Variants in CCSER1 observed in about 807,000 individuals in gnomAD.
CCSER1 encodes the protein coiled-coil serine rich protein 1.
Under a neutral mutation model 82.0 loss-of-function variants are expected in CCSER1, and 41 were observed. The ratio of observed to expected loss-of-function variants is 0.50; its 90% CI spans 0.39 to 0.65. The LOEUF is 0.65. Among genes scored for constraint, CCSER1 ranks in the 30% least tolerant of loss-of-function variants. The pLI, the probability that CCSER1 is intolerant of heterozygous loss-of-function variation, is 0.00. For synonymous variants in CCSER1, 414 were observed against 383.9 expected (o/e 1.08, Z -0.92); for missense variants, 1,119 against 1,064.2 (o/e 1.05, Z -0.72).
chr4:90,748,537 T>G (rs1219165880), intron 7 of CCSER1, among the ~76,000 whole-genome samples: 5 of 149,294 alleles, frequency 3.3e-5, no homozygotes, highest in Admixed American at 6.7e-5. Flanking sequence ...TTTATAGTCC[T>G]TTGGGTATAT....
chr4:90,562,594 G>A, intron 5 of CCSER1, among the ~76,000 whole-genome samples: 1 of 152,034 alleles, frequency 6.6e-6, no homozygotes, highest in Non-Finnish European at 1.5e-5. Flanking sequence ...CTGGAGTGCA[G>A]TGGGGCAGTC....
At chr4:90,541,847 A>T (rs1369953189) in intron 5 of CCSER1, among the ~76,000 whole-genome samples, 1 of 152,050 alleles carries the variant, frequency 6.6e-6, no homozygotes, top group Non-Finnish European at 1.5e-5. Context: ...TCCTACTGCC[A>T]CAAATTCTTT....
At position 90,413,619 on chromosome 4, in the gene CCSER1, T is replaced by C. The variant is rs370647776; in HGVS notation, c.1603+13490T>C. Among the ~76,000 whole-genome samples, 80 of 152,152 alleles carry C rather than the reference T, an allele frequency of 5.3e-4. 1 individual carries two copies. In the East Asian group the frequency reaches 8.5e-3, roughly 16 times the overall value. On this transcript the variant is annotated intron_variant, in intron 4 of 10. Transcript: ENST00000509176. The stretch of plus-strand genomic sequence containing the variant: ...GTGTGAATGTTTAGTTTTTGCTGAT[T>C]GTATTGAATAATTTGAATAGTTTCA...
Position 91,052,199 on chromosome 4 carries a change from G to C in CCSER1, c.2173-33751G>C, listed in dbSNP as rs924428097. Among the ~76,000 whole-genome samples the C allele has an allele frequency of 2.6e-5, 4 of 151,922 alleles. No individual in the cohort carries two copies. In the East Asian group the frequency reaches 7.7e-4, roughly 29 times the overall value. On this transcript the variant is annotated intron_variant, in intron 9 of 10. Coordinates refer to ENST00000509176, the MANE Select transcript of CCSER1 (RefSeq NM_001145065.2). ...TTTATTTGCTATCGTTATATAATCA[G>C]TGTCTAGAAAGATTAAAATGGCAGA...
intron 9 of CCSER1, among the ~76,000 whole-genome samples, chr4:91,003,870 G>A (rs1738268244): frequency 6.6e-6 from 1 of 152,158 alleles, no homozygotes; most frequent in Non-Finnish European, 1.5e-5. Context: ...GGCCTGCTAG[G>A]GGACCCAGCA....
At chr4:91,236,683 A>G (rs901904963) in intron 10 of CCSER1, among the ~76,000 whole-genome samples, 6 of 152,222 alleles carry the variant, frequency 3.9e-5, no homozygotes, top group Admixed American at 3.3e-4. Flanking sequence ...CTAATTTTCT[A>G]GTTTCCAAGA....
chr4:91,398,972 T>C (rs1277805672), intron 10 of CCSER1, among the ~76,000 whole-genome samples: 1 of 151,934 alleles, frequency 6.6e-6, no homozygotes, highest in African/African-American at 2.4e-5. Flanking sequence ...TTATAAATAT[T>C]GAGTTAGGAC....
chr4:90,577,855 A>T (rs1335659489), intron 5 of CCSER1, among the ~76,000 whole-genome samples: 2 of 152,108 alleles, frequency 1.3e-5, no homozygotes, highest in African/African-American at 4.8e-5. Context: ...CAGAGATTTC[A>T]TGATGTTTAT....
intron 10 of CCSER1, among the ~76,000 whole-genome samples, chr4:91,274,811 A>T (rs563680032): frequency 4.8e-4 from 73 of 152,156 alleles, no homozygotes; most frequent in Non-Finnish European, 1.6e-4. Flanking sequence ...TCTTTTTGAA[A>T]TACTAATTTA....
intron 7 of CCSER1, among the ~76,000 whole-genome samples, chr4:90,807,371 A>G (rs1757657260): frequency 6.6e-6 from 1 of 152,174 alleles, no homozygotes; most frequent in African/African-American, 2.4e-5. Context: ...AAGAAATTGG[A>G]CTACTGTAAA....
At chr4:90,558,429 C>G (rs1343201972) in intron 5 of CCSER1, among the ~76,000 whole-genome samples, 1 of 151,998 alleles carries the variant, frequency 6.6e-6, no homozygotes, top group Non-Finnish European at 1.5e-5. Context: ...TTCAAAAATT[C>G]CAGTAAATCG....
chr4:90,190,013 A>G (rs1735321087), intron 1 of CCSER1, among the ~76,000 whole-genome samples: 1 of 152,006 alleles, frequency 6.6e-6, no homozygotes, highest in Admixed American at 6.6e-5. Flanking sequence ...TTGTTTGTGG[A>G]ACAATAAAAG....
Position 90,397,786 on chromosome 4 carries a change from G to C in CCSER1, c.1510-2250G>C, listed in dbSNP as rs528111776. On this transcript the variant is annotated intron_variant, in intron 3 of 10. Transcript: ENST00000509176. Reference sequence around the variant, plus strand: ...ATAGCTAGATGGATTGGGTAGGGTGGTTCCAATTAAAAAGGAGGAATGCTG... The same window carrying C: ...ATAGCTAGATGGATTGGGTAGGGTGCTTCCAATTAAAAAGGAGGAATGCTG... Among the ~76,000 whole-genome samples the C allele has an allele frequency of 4.6e-5, 7 of 152,262 alleles. No homozygotes were observed. In the South Asian group the frequency reaches 1.5e-3, roughly 32 times the overall value.
At chr4:91,487,336 A>G (rs961305666) in intron 10 of CCSER1, among the ~76,000 whole-genome samples, 5 of 152,162 alleles carry the variant, frequency 3.3e-5, no homozygotes, top group Admixed American at 6.6e-5. Context: ...TACACAAGGC[A>G]TGCTTTGAAC....
intron 10 of CCSER1, among the ~76,000 whole-genome samples, chr4:91,211,759 ATTAAT>A (rs1229411081): frequency 6.6e-6 from 1 of 152,108 alleles, no homozygotes; most frequent in African/African-American, 2.4e-5. Context: ...TTGTGAAAGG[ATTAAT>A]TTAAAACAAA....
chr4:90,209,932 G>C (rs530047189), intron 1 of CCSER1, among the ~76,000 whole-genome samples: 1 of 151,642 alleles, frequency 6.6e-6, no homozygotes, highest in East Asian at 1.9e-4. Context: ...GGTTTGGTTT[G>C]GTTTGTGCAG....
At position 90,308,382 on chromosome 4, in the gene CCSER1, C is replaced by A; in HGVS notation, c.98C>A (p.Pro33His). 6.2e-7 allele frequency: 1 copy of A among 1,613,690 alleles called. No homozygotes were observed. Among genetic ancestry groups the A allele is most frequent in the Non-Finnish European group, 8.5e-7 (1 of 1,179,826 alleles). ...AGACATGATTCTCTTCCTTCTTCAC[C>A]TTCTTCCAGTAATACAGTTGGTGTC... ...NRRHDSLPSSPSSSNTVGVHS... is the reference protein window; with the variant it reads ...NRRHDSLPSSHSSSNTVGVHS... The change falls in exon 2 of 11, where the codon CCT (proline) becomes CAT (histidine). Residue 33 changes from proline (P) to histidine (H), a missense_variant. Coordinates refer to ENST00000509176, the MANE Select transcript of CCSER1 (RefSeq NM_001145065.2).
chr4:90,238,704 A>G (rs1243554969), intron 1 of CCSER1, among the ~76,000 whole-genome samples: 2 of 152,176 alleles, frequency 1.3e-5, no homozygotes, highest in Non-Finnish European at 2.9e-5. Flanking sequence ...ATCAAGATGA[A>G]CAGTTTGAAC....
At chr4:90,669,972 T>C (rs1242101639) in intron 6 of CCSER1, among the ~76,000 whole-genome samples, 3 of 152,120 alleles carry the variant, frequency 2.0e-5, no homozygotes, top group Non-Finnish European at 4.4e-5. Flanking sequence ...TCTTAGAGCA[T>C]GTAAACAAAT....
Sources: gnomAD v4.1 joint callset for allele counts (sites outside exome capture counted in the v4.1 genomes callset) on GRCh38, gnomAD v4.1.1 for gene constraint, MANE v1.5 for transcripts, NCBI Gene and HGNC (gene_info 2026-07-23, HGNC 2026-07-21) for gene names.